ZNF420: variants seen among roughly 807,000 people sequenced by gnomAD.
ZNF420 encodes zinc finger protein 420.
In ZNF420, 31 loss-of-function variants were observed where a neutral mutation model predicts 44.7. The observed-to-expected ratio is 0.69, with a 90% CI of 0.52 to 0.94. The LOEUF (loss-of-function observed/expected upper bound fraction) is 0.94, where lower values mean the gene tolerates loss of function less well. Among genes scored for constraint, ZNF420 ranks in the 40% least tolerant of loss-of-function variants. ZNF420 has a pLI of 0.00. For synonymous variants in ZNF420, 245 were observed against 267.4 expected (o/e 0.92, Z 0.82); for missense variants, 681 against 827.9 (o/e 0.82, Z 2.18).
At chr19:37,016,023 A>C (rs1325346521) in intron 1 of ZNF420, among the ~76,000 whole-genome samples, 2 of 152,126 alleles carry the variant, frequency 1.3e-5, no homozygotes, top group Non-Finnish European at 2.9e-5. Flanking sequence ...CCATGTCATG[A>C]GTGTTTCCTC....
intron 4 of ZNF420, among the ~76,000 whole-genome samples, chr19:37,099,712 C>T (rs1969658800): frequency 6.6e-6 from 1 of 152,150 alleles, no homozygotes. Context: ...CAACCTCCGC[C>T]TGCCAGGTTC....
chr19:37,083,247 G>A (rs1026234450), intron 2 of ZNF420, among the ~76,000 whole-genome samples: 2 of 150,750 alleles, frequency 1.3e-5, no homozygotes, highest in African/African-American at 2.4e-5. Context: ...GTATCTGGTT[G>A]TTTTCCTTTA....
chr19:37,026,480 C>T (rs1967162731), intron 1 of ZNF420, among the ~76,000 whole-genome samples: 2 of 152,210 alleles, frequency 1.3e-5, no homozygotes, highest in Admixed American at 1.3e-4. Flanking sequence ...CCACCACACC[C>T]TGCTAGTTTT....
At chr19:37,067,320 T>C (rs2146449503) in intron 1 of ZNF420, among the ~76,000 whole-genome samples, 1 of 152,292 alleles carries the variant, frequency 6.6e-6, no homozygotes. Flanking sequence ...AAGCTGTAAC[T>C]AGATATTGAA....
chr19:37,008,918 C>G (rs2074548329), intron 1 of ZNF420, among the ~76,000 whole-genome samples: 1 of 152,222 alleles, frequency 6.6e-6, no homozygotes, highest in Non-Finnish European at 1.5e-5. Flanking sequence ...TTGTTTCCCT[C>G]TGCAAACTTG....
chr19:37,114,506 G>A (rs1970552564), intron 4 of ZNF420, among the ~76,000 whole-genome samples: 1 of 152,114 alleles, frequency 6.6e-6, no homozygotes, highest in Non-Finnish European at 1.5e-5. Flanking sequence ...ACAGGCATCT[G>A]AACTGCTGGG....
At chr19:37,116,263 T>G (rs73618072) in intron 4 of ZNF420, among the ~76,000 whole-genome samples, 2,900 of 149,708 alleles carry the variant, frequency 0.019, 77 homozygotes, top group East Asian at 0.051. Context: ...CCAGCTACCT[T>G]GGAGCTGAGG....
chr19:37,037,737 G>A (rs1380565781), intron 1 of ZNF420, among the ~76,000 whole-genome samples: 1 of 152,210 alleles, frequency 6.6e-6, no homozygotes, highest in African/African-American at 2.4e-5. Flanking sequence ...GGCCTCAGGT[G>A]ATCCGTCCAC....
At chr19:37,025,582 T>C (rs1229404260) in intron 1 of ZNF420, among the ~76,000 whole-genome samples, 1 of 152,070 alleles carries the variant, frequency 6.6e-6, no homozygotes, top group Non-Finnish European at 1.5e-5. Context: ...CATGTACTTG[T>C]TTCTATGGAT....
At chr19:37,040,906 C>A (rs1165963302) in intron 1 of ZNF420, among the ~76,000 whole-genome samples, 1 of 151,816 alleles carries the variant, frequency 6.6e-6, no homozygotes, top group East Asian at 1.9e-4. Flanking sequence ...ATCTTCACAG[C>A]CCCCCAAACT....
intron 4 of ZNF420, among the ~76,000 whole-genome samples, chr19:37,125,180 A>G (rs927704816): frequency 6.6e-6 from 1 of 152,180 alleles, no homozygotes; most frequent in African/African-American, 2.4e-5. Context: ...ATGAGATTAT[A>G]GAACCCTTTC....
upstream of ZNF420, among the ~76,000 whole-genome samples, chr19:37,073,979 A>G (rs1255236493): frequency 6.6e-6 from 1 of 152,048 alleles, no homozygotes; most frequent in Non-Finnish European, 1.5e-5. Context: ...TTCAAAAGAG[A>G]AAAAATAAAG....
intron 1 of ZNF420, among the ~76,000 whole-genome samples, chr19:37,067,240 A>T (rs1967982048): frequency 6.6e-6 from 1 of 152,214 alleles, no homozygotes; most frequent in Non-Finnish European, 1.5e-5. Flanking sequence ...CAAGTATTTG[A>T]ATCTGTCAAA....
intron 4 of ZNF420, among the ~76,000 whole-genome samples, chr19:37,098,973 C>T (rs753089258): frequency 6.6e-6 from 1 of 152,106 alleles, no homozygotes; most frequent in Non-Finnish European, 1.5e-5. Flanking sequence ...AATATAATGT[C>T]CTCTAGCTTC....
At chr19:37,110,928 T>C (rs1034338242) in intron 4 of ZNF420, among the ~76,000 whole-genome samples, 12 of 152,344 alleles carry the variant, frequency 7.9e-5, no homozygotes, top group Admixed American at 1.3e-4. Context: ...TCCCACAAAA[T>C]CAGCAAGACC....
At position 37,129,453 on chromosome 19, in the gene ZNF420, G is replaced by A; in HGVS notation, c.*395G>A. The A allele has an allele frequency of 5.6e-6, 1 of 177,434 alleles. No homozygotes were observed. Among genetic ancestry groups the A allele is most frequent in the Non-Finnish European group, 1.2e-5 (1 of 83,210 alleles). 11.0% of individuals were successfully genotyped at this position (177,434 alleles called of 1,614,324 possible). Reference sequence around the variant, plus strand: ...TAAGATTCTTGGAAGTATTATGTAAGTTATTACATGTAAAAGCTCTTAGAA... The same window carrying A: ...TAAGATTCTTGGAAGTATTATGTAAATTATTACATGTAAAAGCTCTTAGAA... On this transcript the variant is annotated 3_prime_UTR_variant, in exon 5 of 5. Transcript: ENST00000337995.
chr19:37,094,838 A>G (rs565371336), intron 4 of ZNF420, among the ~76,000 whole-genome samples: 1 of 152,286 alleles, frequency 6.6e-6, no homozygotes, highest in South Asian at 2.1e-4. Flanking sequence ...GCACGTAGAA[A>G]TATCTTTGTT....
chr19:37,085,002 T>G (rs1968675383), intron 2 of ZNF420, among the ~76,000 whole-genome samples: 1 of 152,182 alleles, frequency 6.6e-6, no homozygotes, highest in Non-Finnish European at 1.5e-5. Context: ...TTATTTTTAT[T>G]CTTTCTTTTC....
intron 4 of ZNF420, among the ~76,000 whole-genome samples, chr19:37,125,705 T>A (rs1005034733): frequency 6.6e-6 from 1 of 152,228 alleles, no homozygotes; most frequent in African/African-American, 2.4e-5. Flanking sequence ...AGAAAAGTTA[T>A]AAGGTTTCAG....
Sources: gnomAD v4.1 joint callset for allele counts (sites outside exome capture counted in the v4.1 genomes callset) on GRCh38, gnomAD v4.1.1 for gene constraint, MANE v1.5 for transcripts, NCBI Gene and HGNC (gene_info 2026-07-23, HGNC 2026-07-21) for gene names.